Variants in DNAH6 observed in about 807,000 individuals in gnomAD.
DNAH6 encodes dynein axonemal heavy chain 6.
In DNAH6, 340 loss-of-function variants were observed where a neutral mutation model predicts 491.4. That is an observed-to-expected ratio of 0.69 (90% CI 0.63 to 0.76). The LOEUF is 0.76. Ranked by LOEUF, DNAH6 falls within the 30% of genes least tolerant of loss-of-function variation. DNAH6 has a pLI of 0.00. For missense variants in DNAH6, 4,443 were observed against 4,972.2 expected (o/e 0.89, Z 3.20); for synonymous variants, 1,603 against 1,686.1 (o/e 0.95, Z 1.21).
chr2:84,700,050 T>C (rs1558928471), intron 48 of DNAH6, among the ~76,000 whole-genome samples: 3 of 152,202 alleles, frequency 2.0e-5, no homozygotes, highest in Admixed American at 1.3e-4. Flanking sequence ...GCAACACTTT[T>C]GAGTTTTGCC....
intron 20 of DNAH6, among the ~76,000 whole-genome samples, chr2:84,606,054 A>G (rs1158490687): frequency 6.6e-6 from 1 of 152,234 alleles, no homozygotes; most frequent in East Asian, 1.9e-4. Flanking sequence ...AGTTTATTGG[A>G]ATTAGGAAAC....
At chr2:84,619,600 A>C (rs535395754) in intron 23 of DNAH6, 85 bp from the exon 24 acceptor site, 25 of 1,238,152 alleles carry the variant, frequency 2.0e-5, no homozygotes, top group Non-Finnish European at 2.6e-5. Flanking sequence ...CAGGGAAGAG[A>C]TGTGGCTAAG....
At chr2:84,684,043 C>T (rs1218872277) in intron 42 of DNAH6, among the ~76,000 whole-genome samples, 1 of 152,206 alleles carries the variant, frequency 6.6e-6, no homozygotes, top group East Asian at 1.9e-4. Context: ...TCTGAAGGCT[C>T]TGTCATTCTT....
the DNAH6 span, among the ~76,000 whole-genome samples, chr2:84,493,611 T>C: frequency 6.6e-6 from 1 of 152,170 alleles, no homozygotes; most frequent in Non-Finnish European, 1.5e-5. Context: ...TTGAACTCTA[T>C]AAGCAAAAAT....
the DNAH6 span, among the ~76,000 whole-genome samples, chr2:84,463,560 T>G: frequency 1.3e-5 from 2 of 152,166 alleles, no homozygotes; most frequent in Non-Finnish European, 2.9e-5. Flanking sequence ...AGAGCGTTTT[T>G]TGTGTGTGTA....
At chr2:84,621,606 T>C (rs1182909075) in intron 26 of DNAH6, 55 bp downstream of exon 26, 12 of 1,126,012 alleles carry the variant, frequency 1.1e-5, no homozygotes, top group Non-Finnish European at 1.5e-5. Flanking sequence ...TTGGTGGGTT[T>C]TTTTTTAAAG....
chr2:84,686,866 A>G (rs1192306), intron 44 of DNAH6, among the ~76,000 whole-genome samples: 49,783 of 152,042 alleles, frequency 0.33, 9,747 homozygotes, highest in African/African-American at 0.56. Context: ...TTACTATCAG[A>G]CCCTTTACAG....
At chr2:84,559,807 G>T (rs1324924393) in intron 11 of DNAH6, among the ~76,000 whole-genome samples, 3 of 151,768 alleles carry the variant, frequency 2.0e-5, no homozygotes, top group Non-Finnish European at 4.4e-5. Context: ...AAGCCACAAT[G>T]AATTAAAAAT....
chr2:84,538,159 A>G (rs1677880947), intron 4 of DNAH6, among the ~76,000 whole-genome samples: 1 of 152,074 alleles, frequency 6.6e-6, no homozygotes, highest in Non-Finnish European at 1.5e-5. Flanking sequence ...CACGCCACTT[A>G]ATATACTCAT....
chr2:84,528,420 A>C (rs1222103408), intron 3 of DNAH6, among the ~76,000 whole-genome samples: 4 of 152,174 alleles, frequency 2.6e-5, no homozygotes, highest in African/African-American at 9.6e-5. Context: ...CCCAACACTC[A>C]ATATAACCGC....
At position 84,616,554 on chromosome 2, in the gene DNAH6, C is replaced by T. The variant is rs539783629; in HGVS notation, c.3476-332C>T. Among the ~76,000 whole-genome samples, 27 of 152,184 alleles carry T rather than the reference C, an allele frequency of 1.8e-4. 1 individual carries two copies. In the South Asian group the frequency reaches 5.4e-3, roughly 30 times the overall value. ...CATTTGCATGGAATATCTTTTTCCACCCCTTTACCTTAAGTTTATGTGATT... is the reference window on the plus strand; with the variant it reads ...CATTTGCATGGAATATCTTTTTCCATCCCTTTACCTTAAGTTTATGTGATT... On this transcript the variant is annotated intron_variant, in intron 22 of 76. Coordinates refer to ENST00000389394, the MANE Select transcript of DNAH6 (RefSeq NM_001370.2).
intron 37 of DNAH6, among the ~76,000 whole-genome samples, chr2:84,659,635 T>G (rs1163535527): frequency 1.3e-5 from 2 of 152,208 alleles, no homozygotes; most frequent in Non-Finnish European, 2.9e-5. Flanking sequence ...TTTATTGGAT[T>G]GGTATTGCAG....
intron 64 of DNAH6, among the ~76,000 whole-genome samples, 182 bp from the exon 65 acceptor site, chr2:84,781,311 G>A (rs1281957485): frequency 6.6e-6 from 1 of 152,058 alleles, no homozygotes; most frequent in Admixed American, 6.5e-5. Context: ...TTTTCTATGT[G>A]GGTCATGGTA....
At chr2:84,491,883 T>G in the DNAH6 span, among the ~76,000 whole-genome samples, 1 of 152,196 alleles carries the variant, frequency 6.6e-6, no homozygotes. Context: ...GTTTACTGTA[T>G]GCTTCACTGC....
intron 7 of DNAH6, 120 bp from the exon 8 acceptor site, chr2:84,548,168 C>T (rs545254674): frequency 4.4e-5 from 49 of 1,104,924 alleles, no homozygotes; most frequent in Non-Finnish European, 6.2e-5. Context: ...GTTTGAATTG[C>T]TTCGTGTACC....
chr2:84,533,087 A>G (rs990038490), intron 4 of DNAH6, among the ~76,000 whole-genome samples: 3 of 152,124 alleles, frequency 2.0e-5, no homozygotes, highest in Non-Finnish European at 4.4e-5. Context: ...AGGGATTTAG[A>G]CTGCAAAAGG....
At chr2:84,502,686 G>A in the DNAH6 span, among the ~76,000 whole-genome samples, 82 of 152,112 alleles carry the variant, frequency 5.4e-4, no homozygotes, top group Middle Eastern at 6.8e-3. Context: ...TATGCATTGG[G>A]TGCATATATA....
chr2:84,715,787 A>G (rs1157180765), intron 58 of DNAH6, among the ~76,000 whole-genome samples, 160 bp downstream of exon 58: 2 of 152,078 alleles, frequency 1.3e-5, no homozygotes, highest in Non-Finnish European at 2.9e-5. Context: ...GTTCTTTACC[A>G]TTTCCATAGC....
intron 33 of DNAH6, among the ~76,000 whole-genome samples, chr2:84,643,002 C>G (rs1468818096): frequency 6.6e-6 from 1 of 152,104 alleles, no homozygotes; most frequent in Non-Finnish European, 1.5e-5. Flanking sequence ...GAGTTTCTGA[C>G]CTATGTTATT....
Sources: allele counts gnomAD v4.1 joint callset (sites outside exome capture counted in the v4.1 genomes callset), GRCh38; gene constraint gnomAD v4.1.1; transcripts MANE v1.5; gene names NCBI Gene and HGNC (gene_info 2026-07-23, HGNC 2026-07-21).